The following AGMO variants were observed in gnomAD, a reference collection of about 807,000 sequenced individuals.
AGMO encodes the protein alkylglycerol monooxygenase.
Under a neutral mutation model 60.2 loss-of-function variants are expected in AGMO, and 75 were observed. The observed-to-expected ratio is 1.25, with a 90% CI of 1.03 to 1.51. The LOEUF is 1.51. Among genes scored for constraint, AGMO ranks in the 40% most tolerant of loss-of-function variants. The pLI is 0.00. For synonymous variants in AGMO, 261 were observed against 177.1 expected, an observed-to-expected ratio of 1.47 and a Z score of -3.76; for missense variants, 763 against 525.5, an observed-to-expected ratio of 1.45 and a Z score of -4.42.
intron 12 of AGMO, among the ~76,000 whole-genome samples, chr7:15,346,720 A>G (rs926611360): frequency 2.6e-5 from 4 of 151,922 alleles, no homozygotes; most frequent in African/African-American, 9.7e-5. Flanking sequence ...TAAATCCAAA[A>G]ATCAACTTGA....
At position 15,210,072 on chromosome 7, in the gene AGMO, A is replaced by T. The variant is rs1236976258; in HGVS notation, c.1264-8713T>A. Among the ~76,000 whole-genome samples, 4 of 152,320 alleles carry T rather than the reference A, an allele frequency of 2.6e-5. No individual in the cohort carries two copies. In the East Asian group the frequency reaches 7.7e-4, roughly 29 times the overall value. On this transcript the variant is annotated intron_variant, in intron 12 of 12. Coordinates refer to ENST00000342526, the MANE Select transcript of AGMO (RefSeq NM_001004320.2). Reference sequence around the variant, plus strand: ...TTATTATTAAAACAAAGATTGTGAAAAAAACCTATCAACTGCTGGGAAGGA... The same window carrying T: ...TTATTATTAAAACAAAGATTGTGAATAAAACCTATCAACTGCTGGGAAGGA...
chr7:15,258,120 G>GC (rs1282627976), intron 12 of AGMO, among the ~76,000 whole-genome samples: 1 of 152,104 alleles, frequency 6.6e-6, no homozygotes, highest in Non-Finnish European at 1.5e-5. Context: ...TAGTATTAAT[G>GC]TACTATTTTA....
intron 12 of AGMO, among the ~76,000 whole-genome samples, chr7:15,235,433 T>C (rs527326466): frequency 1.1e-4 from 16 of 152,258 alleles, no homozygotes; most frequent in East Asian, 1.9e-4. Flanking sequence ...TCAAGTAAGG[T>C]TGAAATTTAA....
At chr7:15,322,918 A>G (rs1183505982) in intron 12 of AGMO, among the ~76,000 whole-genome samples, 1 of 147,746 alleles carries the variant, frequency 6.8e-6, no homozygotes, top group Non-Finnish European at 1.5e-5. Context: ...ATATACACAT[A>G]TATGTGTTTA....
At chr7:15,328,136 C>T (rs764021003) in intron 12 of AGMO, among the ~76,000 whole-genome samples, 7 of 151,704 alleles carry the variant, frequency 4.6e-5, no homozygotes, top group African/African-American at 1.5e-4. Context: ...GTCTCACTGT[C>T]GCCCAAGCTG....
chr7:15,264,727 T>C (rs1783381153), intron 12 of AGMO, among the ~76,000 whole-genome samples: 1 of 152,104 alleles, frequency 6.6e-6, no homozygotes, highest in Non-Finnish European at 1.5e-5. Flanking sequence ...AAAGCCACAG[T>C]GAAATACCAT....
At chr7:15,360,783 C>G (rs1782720726) in intron 12 of AGMO, among the ~76,000 whole-genome samples, 2 of 152,082 alleles carry the variant, frequency 1.3e-5, no homozygotes, top group Admixed American at 1.3e-4. Flanking sequence ...GATCCAAAAG[C>G]TATAATAACT....
intron 3 of AGMO, among the ~76,000 whole-genome samples, chr7:15,479,066 G>C (rs1782676975): frequency 6.6e-6 from 1 of 152,100 alleles, no homozygotes; most frequent in Non-Finnish European, 1.5e-5. Flanking sequence ...GATTGTTCAT[G>C]CATAGTTTTC....
chr7:15,418,705 C>T (rs28754437), intron 4 of AGMO, 52 bp from the exon 5 acceptor site: 45,907 of 1,089,598 alleles, frequency 0.042, 1,454 homozygotes, highest in African/African-American at 0.13. Flanking sequence ...ATTCTCAATG[C>T]TTTGTTAATG....
At chr7:15,231,141 A>C (rs1026276844) in intron 12 of AGMO, among the ~76,000 whole-genome samples, 5 of 152,094 alleles carry the variant, frequency 3.3e-5, no homozygotes, top group African/African-American at 1.2e-4. Context: ...CAAAATATAG[A>C]CTGCCACCAC....
intron 12 of AGMO, among the ~76,000 whole-genome samples, chr7:15,327,577 AAGG>A (rs1259281033): frequency 6.6e-6 from 1 of 152,076 alleles, no homozygotes; most frequent in Non-Finnish European, 1.5e-5. Flanking sequence ...TTAATGAGAA[AAGG>A]AGATTAGAAA....
At chr7:15,451,069 T>TAA (rs5882509) in intron 3 of AGMO, among the ~76,000 whole-genome samples, 24 of 151,306 alleles carry the variant, frequency 1.6e-4, no homozygotes, top group African/African-American at 4.8e-4. Context: ...ATATGAAAAT[T>TAA]AAAAAAAAAT....
intron 12 of AGMO, among the ~76,000 whole-genome samples, chr7:15,258,525 G>A (rs1783169728): frequency 6.6e-6 from 1 of 151,040 alleles, no homozygotes; most frequent in Admixed American, 6.6e-5. Context: ...AATCCAGCCT[G>A]GCAACAGAGC....
intron 12 of AGMO, among the ~76,000 whole-genome samples, chr7:15,322,725 T>TATGTATAAATATATAA (rs1781205859): frequency 1.4e-5 from 1 of 72,800 alleles, no homozygotes; most frequent in Non-Finnish European, 2.3e-5. Context: ...AATATATAAA[T>TATGTATAAATATATAA]ATATATATAA....
In AGMO at chr7:15,364,096, T is replaced by C. The variant is rs938163230; in HGVS notation, c.1263+1418A>G. Among the ~76,000 whole-genome samples, 13 of 151,982 alleles carry C rather than the reference T, an allele frequency of 8.6e-5. 1 individual carries two copies. Among genetic ancestry groups the C allele is most frequent in the Admixed American group, 7.9e-4 (12 of 15,252 alleles). ...GATATCCAAGATCCTGATACTAAGA[T>C]AGTATGCTTCACGGTTTAAATTCAC... is the stretch of plus-strand genomic sequence containing the variant. On this transcript the variant is annotated intron_variant, in intron 12 of 12. Coordinates refer to ENST00000342526, the MANE Select transcript of AGMO (RefSeq NM_001004320.2).
chr7:15,191,352 C>T, the AGMO span, among the ~76,000 whole-genome samples: 1 of 152,110 alleles, frequency 6.6e-6, no homozygotes. Flanking sequence ...TTAGGTTGCA[C>T]ATAATCCCCC....
intron 12 of AGMO, among the ~76,000 whole-genome samples, chr7:15,278,484 G>C (rs777335499): frequency 6.6e-6 from 1 of 152,026 alleles, no homozygotes; most frequent in Non-Finnish European, 1.5e-5. Context: ...CCAGAATTCA[G>C]GTGCTGGCTG....
chr7:15,290,037 T>A (rs1281756840), intron 12 of AGMO, among the ~76,000 whole-genome samples: 1 of 150,788 alleles, frequency 6.6e-6, no homozygotes, highest in African/African-American at 2.4e-5. Context: ...AGTTGATTTT[T>A]TTTTTTTTTT....
chr7:15,385,656 A>G (rs576856457), intron 9 of AGMO, 94 bp from the exon 10 acceptor site: 2 of 736,790 alleles, frequency 2.7e-6, no homozygotes, highest in African/African-American at 1.8e-5. Flanking sequence ...AGTATCTGCT[A>G]TTTTTTTTAA....
Sources: gnomAD v4.1 joint callset for allele counts (sites outside exome capture counted in the v4.1 genomes callset) on GRCh38, gnomAD v4.1.1 for gene constraint, MANE v1.5 for transcripts, NCBI Gene and HGNC (gene_info 2026-07-23, HGNC 2026-07-21) for gene names.